Variants in SPOCK3 observed in about 807,000 individuals in gnomAD.
The protein encoded by SPOCK3 is SPARC (osteonectin), cwcv and kazal like domains proteoglycan 3.
A neutral mutation model predicts 56.6 loss-of-function variants in SPOCK3; 30 were observed. The observed-to-expected ratio is 0.53, with a 90% CI of 0.40 to 0.72. The LOEUF (loss-of-function observed/expected upper bound fraction) is 0.72. Among genes scored for constraint, SPOCK3 ranks in the 30% least tolerant of loss-of-function variants. SPOCK3 has a pLI of 0.00. For missense variants in SPOCK3, 527 were observed against 530.0 expected (o/e 0.99, Z 0.06); for synonymous variants, 196 against 183.3 (o/e 1.07, Z -0.56).
At chr4:166,826,460 A>C (rs543172229) in intron 6 of SPOCK3, among the ~76,000 whole-genome samples, 1 of 152,242 alleles carries the variant, frequency 6.6e-6, no homozygotes, top group South Asian at 2.1e-4. Context: ...TCATTCACTC[A>C]TTCATTCAAA....
intron 2 of SPOCK3, among the ~76,000 whole-genome samples, chr4:167,079,940 G>T (rs2150286990): frequency 6.6e-6 from 1 of 152,074 alleles, no homozygotes; most frequent in East Asian, 1.9e-4. Context: ...GTGCTATAAA[G>T]ATAAAAGGAT....
chr4:166,767,600 T>C (rs1738276642), intron 7 of SPOCK3, among the ~76,000 whole-genome samples: 1 of 152,224 alleles, frequency 6.6e-6, no homozygotes, highest in African/African-American at 2.4e-5. Flanking sequence ...AGGAGTGCTT[T>C]CCTTCCAACT....
At chr4:166,909,270 G>A (rs1736988936) in intron 5 of SPOCK3, among the ~76,000 whole-genome samples, 1 of 151,876 alleles carries the variant, frequency 6.6e-6, no homozygotes, top group Admixed American at 6.6e-5. Flanking sequence ...TTCAAAATTG[G>A]TCACATTGCA....
intron 3 of SPOCK3, among the ~76,000 whole-genome samples, chr4:167,035,435 G>A (rs533689558): frequency 1.3e-5 from 2 of 151,994 alleles, no homozygotes; most frequent in Non-Finnish European, 2.9e-5. Flanking sequence ...GTATCCTAGG[G>A]TAGGAAATTG....
chr4:166,769,966 T>TGTGCATGGTACCCTCCGAGCC (rs1341815112), intron 7 of SPOCK3, among the ~76,000 whole-genome samples: 33 of 152,204 alleles, frequency 2.2e-4, no homozygotes, highest in African/African-American at 4.8e-4. Flanking sequence ...TGAGGCTTCA[T>TGTGCATGGTACCCTCCGAGCC]GTGCATGGTA....
chr4:167,107,895 A>G (rs1183450691), intron 2 of SPOCK3, among the ~76,000 whole-genome samples: 1 of 151,926 alleles, frequency 6.6e-6, no homozygotes, highest in Non-Finnish European at 1.5e-5. Flanking sequence ...AAAAGAAGTG[A>G]AAGATTCCTT....
intron 4 of SPOCK3, among the ~76,000 whole-genome samples, chr4:166,930,866 G>T (rs895333219): frequency 1.3e-5 from 2 of 152,012 alleles, no homozygotes; most frequent in East Asian, 3.9e-4. Flanking sequence ...TACTAGATTT[G>T]TTACTCAACA....
intron 4 of SPOCK3, among the ~76,000 whole-genome samples, chr4:166,945,019 C>T (rs1741550121): frequency 6.6e-6 from 1 of 152,180 alleles, no homozygotes; most frequent in Admixed American, 6.5e-5. Flanking sequence ...GCAGACCCTT[C>T]ACGCTGACTT....
At chr4:166,945,174 GGAT>G (rs1741575370) in intron 4 of SPOCK3, among the ~76,000 whole-genome samples, 4 of 152,010 alleles carry the variant, frequency 2.6e-5, no homozygotes, top group Admixed American at 2.6e-4. Context: ...TTTTGGTGGA[GGAT>G]GATATTTAGA....
intron 2 of SPOCK3, among the ~76,000 whole-genome samples, chr4:167,148,861 C>A (rs761968783): frequency 5.9e-5 from 9 of 151,952 alleles, no homozygotes; most frequent in Non-Finnish European, 1.3e-4. Context: ...AAGGTGAATA[C>A]ATTTGTTCTG....
intron 2 of SPOCK3, among the ~76,000 whole-genome samples, chr4:167,119,456 C>A (rs767237391): frequency 2.0e-5 from 3 of 152,008 alleles, no homozygotes; most frequent in Non-Finnish European, 2.9e-5. Flanking sequence ...ATTATAATAT[C>A]CCTTAAAAAT....
chr4:167,129,331 T>A (rs1386013550), intron 2 of SPOCK3, among the ~76,000 whole-genome samples: 2 of 152,220 alleles, frequency 1.3e-5, no homozygotes, highest in Non-Finnish European at 2.9e-5. Flanking sequence ...TAAGTGCCAA[T>A]GTGCTAGCTC....
intron 6 of SPOCK3, among the ~76,000 whole-genome samples, chr4:166,818,586 A>G (rs1264263806): frequency 6.6e-6 from 1 of 151,982 alleles, no homozygotes; most frequent in Non-Finnish European, 1.5e-5. Flanking sequence ...AAAACATCAT[A>G]TCTAGTAATT....
At chr4:166,850,557 G>A (rs984694286) in intron 6 of SPOCK3, among the ~76,000 whole-genome samples, 38 of 152,294 alleles carry the variant, frequency 2.5e-4, no homozygotes, top group South Asian at 6.2e-4. Context: ...CTGAGGTACC[G>A]GGTTCATCTC....
chr4:167,221,843 T>C (rs1055297703), intron 2 of SPOCK3, among the ~76,000 whole-genome samples: 8 of 152,264 alleles, frequency 5.3e-5, no homozygotes, highest in Non-Finnish European at 1.2e-4. Flanking sequence ...TTGGAACCCT[T>C]ATCCATTGTG....
intron 6 of SPOCK3, among the ~76,000 whole-genome samples, chr4:166,798,577 A>T (rs1334767522): frequency 6.6e-6 from 1 of 152,210 alleles, no homozygotes; most frequent in Non-Finnish European, 1.5e-5. Context: ...AGACTAAGAA[A>T]AATTCAAGAA....
chr4:166,982,409 T>C (rs540084385), intron 4 of SPOCK3, among the ~76,000 whole-genome samples: 9 of 152,082 alleles, frequency 5.9e-5, no homozygotes, highest in African/African-American at 1.9e-4. Context: ...ATAACTCCTA[T>C]AGACGTGGTG....
rs771331099 is a variant in SPOCK3, at chr4:167,000,465, T to TA, written c.236-3dup. ...ATGGATCCTTAGCTGGATCTAAAGCTAAAAAAATTGCAAAGAAAATATTAA... is the reference window on the plus strand; with the variant it reads ...ATGGATCCTTAGCTGGATCTAAAGCTAAAAAAAATTGCAAAGAAAATATTAA... On this transcript the variant is annotated splice_region_variant and splice_polypyrimidine_tract_variant and intron_variant, in intron 3 of 10. Transcript: ENST00000357545. 1.6e-5 allele frequency: 24 copies of TA among 1,498,186 alleles called. No individual in the cohort carries two copies. Among genetic ancestry groups the TA allele is most frequent in the Admixed American group, 3.9e-5 (2 of 51,130 alleles). The allele number at this position is 1,498,186 out of a possible 1,614,324, so 92.8% of individuals were successfully genotyped here.
intron 6 of SPOCK3, among the ~76,000 whole-genome samples, chr4:166,834,750 A>G (rs901087683): frequency 2.6e-5 from 4 of 152,088 alleles, no homozygotes; most frequent in African/African-American, 9.7e-5. Flanking sequence ...AGAATTCTAT[A>G]TTTTGCTTGA....
Sources: allele counts gnomAD v4.1 joint callset (sites outside exome capture counted in the v4.1 genomes callset), GRCh38; gene constraint gnomAD v4.1.1; transcripts MANE v1.5; gene names NCBI Gene and HGNC (gene_info 2026-07-23, HGNC 2026-07-21).